The following ZNF385D variants were observed in gnomAD, a reference collection of about 807,000 sequenced individuals.
ZNF385D encodes the protein zinc finger protein 659.
ZNF385D carries 15 observed loss-of-function variants against 35.8 expected under a neutral mutation model. That is an observed-to-expected ratio of 0.42 (90% CI 0.28 to 0.64). The LOEUF (loss-of-function observed/expected upper bound fraction) is 0.64. Among genes scored for constraint, ZNF385D ranks in the 30% least tolerant of loss-of-function variants. The pLI is 0.23. For synonymous variants in ZNF385D, 212 were observed against 186.8 expected (o/e 1.13, Z -1.10); for missense variants, 474 against 494.6 (o/e 0.96, Z 0.39).
intron 4 of ZNF385D, among the ~76,000 whole-genome samples, chr3:21,507,654 TCA>T (rs1355187447): frequency 3.3e-5 from 5 of 152,138 alleles, no homozygotes; most frequent in African/African-American, 1.2e-4. Flanking sequence ...CAGTCCAGTC[TCA>T]AAGTCCCAGA....
chr3:21,903,932 T>A (rs143610455), intron 3 of ZNF385D, among the ~76,000 whole-genome samples: 194 of 152,264 alleles, frequency 1.3e-3, no homozygotes, highest in African/African-American at 4.3e-3. Context: ...TTTTTCTTTA[T>A]CAAACCAACC....
At chr3:22,371,049 AC>A (rs1696880517) in intron 2 of ZNF385D, among the ~76,000 whole-genome samples, 4 of 152,198 alleles carry the variant, frequency 2.6e-5, no homozygotes, top group Non-Finnish European at 5.9e-5. Context: ...TTTCTAAAAA[AC>A]ATCTGGAAAG....
In ZNF385D at chr3:22,312,900, G is replaced by A. The variant is rs543887581; in HGVS notation, c.106+59550C>T. On this transcript the variant is annotated intron_variant, in intron 2 of 5. Coordinates refer to the ZNF385D transcript ENST00000494108. ...CATTTGACCCAGCCATCCCATTACTGGGTATATACCCAAAGGACTATAAAT... is the reference window on the plus strand; with the variant it reads ...CATTTGACCCAGCCATCCCATTACTAGGTATATACCCAAAGGACTATAAAT... 9.1e-3 allele frequency among the ~76,000 whole-genome samples: 1,172 copies of A among 128,624 alleles called. 24 individuals are homozygous for A. The highest frequency in any genetic ancestry group is 0.013 in the Non-Finnish European group (794 of 62,116). The allele number at this position is 128,624 out of a possible 152,430, so 84.4% of individuals were successfully genotyped here.
At chr3:21,751,285 G>A (rs2070070333), upstream of ZNF385D, 2 of 1,076,386 alleles carry the variant, frequency 1.9e-6, no homozygotes, top group Non-Finnish European at 2.2e-6. Flanking sequence ...GAGGTGCTCC[G>A]ACTGCCTGCC....
At chr3:21,885,374 T>C (rs910190231) in intron 3 of ZNF385D, among the ~76,000 whole-genome samples, 1 of 152,010 alleles carries the variant, frequency 6.6e-6, no homozygotes, top group Non-Finnish European at 1.5e-5. Context: ...AATAATCAAA[T>C]ACTTACTTAT....
intron 3 of ZNF385D, among the ~76,000 whole-genome samples, chr3:21,536,894 CAG>C (rs1269686397): frequency 6.6e-6 from 1 of 151,748 alleles, no homozygotes; most frequent in Non-Finnish European, 1.5e-5. Context: ...GTATTCCAGA[CAG>C]AGAGAAGAGT....
At chr3:21,519,129 G>T (rs908070207) in intron 3 of ZNF385D, among the ~76,000 whole-genome samples, 2 of 152,026 alleles carry the variant, frequency 1.3e-5, no homozygotes, top group Admixed American at 6.6e-5. Context: ...AGAAAAAAAG[G>T]GGGGGAAAGA....
At chr3:22,061,045 C>T (rs547259808) in intron 3 of ZNF385D, among the ~76,000 whole-genome samples, 40 of 152,174 alleles carry the variant, frequency 2.6e-4, no homozygotes, top group Admixed American at 5.2e-4. Context: ...GTTGATTTCT[C>T]ATTCTCTGAG....
At chr3:21,444,424 A>T (rs1376420016) in intron 4 of ZNF385D, among the ~76,000 whole-genome samples, 1 of 136,656 alleles carries the variant, frequency 7.3e-6, no homozygotes, top group Non-Finnish European at 1.5e-5. Context: ...TCACTCTGTC[A>T]TCCTGGCTGT....
intron 3 of ZNF385D, among the ~76,000 whole-genome samples, chr3:21,902,079 T>A (rs1699442130): frequency 6.6e-6 from 1 of 152,170 alleles, no homozygotes. Context: ...TTCAAGGTTG[T>A]GCCTAGAGAA....
At chr3:21,730,529 G>C (rs1441962084) in intron 1 of ZNF385D, among the ~76,000 whole-genome samples, 2 of 152,172 alleles carry the variant, frequency 1.3e-5, no homozygotes, top group Non-Finnish European at 2.9e-5. Flanking sequence ...TCCACATACA[G>C]TTTAGAGCAT....
At chr3:21,981,525 G>A (rs1470653149) in intron 3 of ZNF385D, among the ~76,000 whole-genome samples, 1 of 151,988 alleles carries the variant, frequency 6.6e-6, no homozygotes, top group Non-Finnish European at 1.5e-5. Context: ...TGTTTATCCT[G>A]TTGATAATTT....
intron 3 of ZNF385D, among the ~76,000 whole-genome samples, chr3:22,035,984 A>C (rs1698292296): frequency 6.6e-6 from 1 of 152,160 alleles, no homozygotes; most frequent in Non-Finnish European, 1.5e-5. Flanking sequence ...CAGAAATGGA[A>C]AATGAAGAGT....
chr3:22,147,911 C>G (rs940758954), intron 3 of ZNF385D, among the ~76,000 whole-genome samples: 2 of 152,160 alleles, frequency 1.3e-5, no homozygotes, highest in Non-Finnish European at 2.9e-5. Flanking sequence ...CATGAGCAAT[C>G]ATGGCTCCAA....
intron 2 of ZNF385D, among the ~76,000 whole-genome samples, chr3:22,264,318 G>A (rs1700786079): frequency 6.6e-6 from 1 of 151,986 alleles, no homozygotes; most frequent in Non-Finnish European, 1.5e-5. Context: ...AAGTTCACAG[G>A]GTCCTGGTCA....
rs142375236 is a variant in ZNF385D, at chr3:21,543,211, T to C, written c.276+21363A>G. 8.9e-3 allele frequency among the ~76,000 whole-genome samples: 1,351 copies of C among 152,216 alleles called. 16 individuals are homozygous for C. The highest frequency in any genetic ancestry group is 0.031 in the African/African-American group (1,273 of 41,540). On this transcript the variant is annotated intron_variant, in intron 3 of 7. Coordinates refer to ENST00000281523, the MANE Select transcript of ZNF385D (RefSeq NM_024697.3). ...CTGTAATCTCAGCTACACAGGGGGC[T>C]GAGGCAGGAGAATCACTTGAAGCTG...
chr3:22,177,769 T>C (rs1265696306), intron 2 of ZNF385D, among the ~76,000 whole-genome samples: 2 of 152,176 alleles, frequency 1.3e-5, no homozygotes, highest in African/African-American at 4.8e-5. Context: ...GTGTGTGATG[T>C]TCCCCTTCCT....
chr3:22,257,472 T>G (rs1700375833), intron 2 of ZNF385D, among the ~76,000 whole-genome samples: 1 of 151,868 alleles, frequency 6.6e-6, no homozygotes, highest in African/African-American at 2.4e-5. Flanking sequence ...TTCTAGTAAT[T>G]TCTCTTATTC....
At chr3:21,423,146 A>T (rs2125247567) in intron 7 of ZNF385D, among the ~76,000 whole-genome samples, 1 of 152,142 alleles carries the variant, frequency 6.6e-6, no homozygotes, top group East Asian at 1.9e-4. Flanking sequence ...AAGTTTCAGG[A>T]TACAAAATTA....
Sources: gnomAD v4.1 joint callset for allele counts (sites outside exome capture counted in the v4.1 genomes callset) on GRCh38, gnomAD v4.1.1 for gene constraint, MANE v1.5 for transcripts, NCBI Gene and HGNC (gene_info 2026-07-23, HGNC 2026-07-21) for gene names.